The following BNC2 variants were observed in gnomAD, a reference collection of about 807,000 sequenced individuals.
BNC2 encodes zinc finger protein basonuclin-2.
In BNC2, 20 loss-of-function variants were observed where a neutral mutation model predicts 76.3. That is an observed-to-expected ratio of 0.26 (90% CI 0.18 to 0.38). The LOEUF is 0.38. Ranked by LOEUF, BNC2 falls within the 10% of genes least tolerant of loss-of-function variation. The pLI is 1.00. For synonymous variants in BNC2, 582 were observed against 514.8 expected, an observed-to-expected ratio of 1.13 and a Z score of -1.77; for missense variants, 1,382 against 1,399.8, an observed-to-expected ratio of 0.99 and a Z score of 0.20.
At chr9:16,571,635 C>T (rs952624247) in intron 4 of BNC2, among the ~76,000 whole-genome samples, 73 of 152,020 alleles carry the variant, frequency 4.8e-4, no homozygotes, top group African/African-American at 1.5e-3. Flanking sequence ...GAGGCAATTG[C>T]GCACTCAGCA....
intron 3 of BNC2, among the ~76,000 whole-genome samples, chr9:16,667,491 G>C (rs1822334958): frequency 6.6e-6 from 1 of 152,184 alleles, no homozygotes; most frequent in Non-Finnish European, 1.5e-5. Flanking sequence ...GTAGTAATTT[G>C]AGGTGGTCAT....
intron 5 of BNC2, among the ~76,000 whole-genome samples, chr9:16,536,044 C>A (rs1818121085): frequency 6.6e-6 from 1 of 152,064 alleles, no homozygotes; most frequent in African/African-American, 2.4e-5. Flanking sequence ...GGTCAACATG[C>A]CAGCTCACTG....
chr9:16,566,791 G>T (rs1285832894), intron 4 of BNC2, among the ~76,000 whole-genome samples: 2 of 152,170 alleles, frequency 1.3e-5, no homozygotes, highest in Non-Finnish European at 2.9e-5. Flanking sequence ...CAGTAAGACT[G>T]TAAGAAGAGC....
rs1818589628 is a variant in BNC2, at chr9:16,832,106, GTAAAATA to G, written c.3+38533_3+38539del. 3 of 238,702 alleles carry G rather than the reference GTAAAATA, an allele frequency of 1.3e-5. No homozygotes were observed. The Admixed American group carries it at 1.7e-4, about 14-fold the overall frequency. The allele number at this position is 238,702 out of a possible 1,614,324, so 14.8% of individuals were successfully genotyped here. ...CTATTAGAATTCCAGCTGGCTATGA[GTAAAATA>G]CTGCAATGCAGCTTCCTGGATGTAG... On this transcript the variant is annotated intron_variant, in intron 1 of 6. Transcript: ENST00000380672.
intron 1 of BNC2, among the ~76,000 whole-genome samples, chr9:16,794,006 C>A (rs1817583963): frequency 6.6e-6 from 1 of 151,750 alleles, no homozygotes; most frequent in Non-Finnish European, 1.5e-5. Flanking sequence ...CGGGCCTTGC[C>A]TTTCACATCT....
chr9:16,831,904 T>C (rs976037998), intron 1 of BNC2, among the ~76,000 whole-genome samples: 43 of 152,176 alleles, frequency 2.8e-4, no homozygotes, highest in African/African-American at 9.7e-4. Flanking sequence ...GCACAGGCTA[T>C]TAGATTTGCA....
chr9:16,640,234 G>A (rs1821453234), intron 3 of BNC2, among the ~76,000 whole-genome samples: 1 of 152,122 alleles, frequency 6.6e-6, no homozygotes, highest in Non-Finnish European at 1.5e-5. Context: ...TAAAATAAGT[G>A]CATTGGTGAT....
At chr9:16,775,044 G>C (rs1436008065) in intron 1 of BNC2, among the ~76,000 whole-genome samples, 1 of 152,148 alleles carries the variant, frequency 6.6e-6, no homozygotes, top group Non-Finnish European at 1.5e-5. Flanking sequence ...GGTTCCTTTA[G>C]AACAGTTGTT....
intron 4 of BNC2, among the ~76,000 whole-genome samples, chr9:16,555,774 G>T (rs1390144469): frequency 6.6e-6 from 1 of 151,998 alleles, no homozygotes; most frequent in Admixed American, 6.6e-5. Flanking sequence ...TCCAGCCTGG[G>T]CAACAGAGTG....
chr9:16,633,552 G>C (rs1309519341), intron 3 of BNC2, among the ~76,000 whole-genome samples: 4 of 152,112 alleles, frequency 2.6e-5, no homozygotes, highest in African/African-American at 9.7e-5. Flanking sequence ...GCTCTACTTT[G>C]CAATTATGTC....
At chr9:16,780,131 G>A (rs1422250270) in intron 1 of BNC2, among the ~76,000 whole-genome samples, 2 of 151,146 alleles carry the variant, frequency 1.3e-5, no homozygotes, top group Non-Finnish European at 2.9e-5. Flanking sequence ...AGCTACTAGG[G>A]AGGCTGAGGT....
intron 3 of BNC2, among the ~76,000 whole-genome samples, chr9:16,623,893 T>C (rs544078478): frequency 1.6e-4 from 25 of 152,348 alleles, no homozygotes; most frequent in African/African-American, 5.8e-4. Context: ...TGTGTATTTT[T>C]GTCTCCTTGT....
intron 3 of BNC2, among the ~76,000 whole-genome samples, chr9:16,687,699 A>C (rs1407178967): frequency 6.6e-6 from 1 of 152,210 alleles, no homozygotes; most frequent in Non-Finnish European, 1.5e-5. Flanking sequence ...ACCCGATCTC[A>C]CATACACAAA....
chr9:16,859,402 A>T (rs7044268), intron 1 of BNC2, among the ~76,000 whole-genome samples: 22,146 of 152,210 alleles, frequency 0.15, 2,365 homozygotes, highest in African/African-American at 0.3. Flanking sequence ...ACTTATATTC[A>T]CAACAGCATA....
chr9:16,449,841 CGGGGGGGGAG>C (rs368460907), intron 5 of BNC2, among the ~76,000 whole-genome samples: 7 of 79,716 alleles, frequency 8.8e-5, no homozygotes, highest in African/African-American at 4.0e-4. Flanking sequence ...AAAGGTGGGG[CGGGGGGGGAG>C]GGTAACTAAA....
Position 16,500,964 on chromosome 9 carries a change from AAGAC to A in BNC2, c.669+51562_669+51565del, listed in dbSNP as rs547574848. ...CTAGTATCCTGGTATAAATCATACT[AAGAC>A]AGTGGTTAACAGCATGGACTCCAGA... On this transcript the variant is annotated intron_variant, in intron 5 of 6. Coordinates refer to ENST00000380672, the MANE Select transcript of BNC2 (RefSeq NM_017637.6). 3.5e-4 allele frequency among the ~76,000 whole-genome samples: 53 copies of A among 152,290 alleles called. 1 individual carries two copies. Among genetic ancestry groups the A allele is most frequent in the Non-Finnish European group, 6.2e-4 (42 of 68,016 alleles).
chr9:16,820,448 G>A (rs1313196806), intron 1 of BNC2, among the ~76,000 whole-genome samples: 4 of 151,392 alleles, frequency 2.6e-5, no homozygotes, highest in Non-Finnish European at 5.9e-5. Context: ...GCAATAATAA[G>A]GCCCAGAGAA....
chr9:16,649,342 T>G (rs1291118155), intron 3 of BNC2, among the ~76,000 whole-genome samples: 2 of 152,166 alleles, frequency 1.3e-5, no homozygotes, highest in African/African-American at 4.8e-5. Context: ...CCCAGAGTCC[T>G]TGAGAAGAGA....
In BNC2 at chr9:16,436,088, C is replaced by A; in HGVS notation, c.2106G>T (p.Arg702Ser). ...TGCTGTCGGCCCTCCTTATTTCAGT[C>A]CTTGAAATGCACCGGGTCCTGTTAT... ...SKHNRTRCIS[R>S]TEIRRADSMT... The change falls in exon 6 of 7, where the codon AGG (arginine) becomes AGT (serine). Residue 702 changes from arginine (R) to serine (S), a missense_variant. By Grantham distance (110) the Arg-to-Ser change is moderately radical. This residue lies in a region of BNC2 where 798 missense variants were observed against 775.5 expected (regional missense o/e 1.03). Transcript: ENST00000380672. The A allele has an allele frequency of 6.2e-7, 1 of 1,614,132 alleles. No homozygotes were observed. The highest frequency in any genetic ancestry group is 1.7e-5 in the Admixed American group (1 of 60,012).
Sources: allele counts gnomAD v4.1 joint callset (sites outside exome capture counted in the v4.1 genomes callset), GRCh38; gene constraint gnomAD v4.1.1; regional missense constraint gnomAD v4.1.1; transcripts MANE v1.5; gene names NCBI Gene and HGNC (gene_info 2026-07-23, HGNC 2026-07-21).